Variants in LRRC59 observed in about 807,000 individuals in gnomAD.
LRRC59 encodes the protein leucine-rich repeat-containing protein 59.
In LRRC59, 18 loss-of-function variants were observed where a neutral mutation model predicts 33.5. The observed-to-expected ratio is 0.54, with a 90% CI of 0.37 to 0.80. The LOEUF (loss-of-function observed/expected upper bound fraction) is 0.80, where lower values mean the gene tolerates loss of function less well. Ranked by LOEUF, LRRC59 falls within the 30% of genes least tolerant of loss-of-function variation. The pLI, the probability that LRRC59 is intolerant of heterozygous loss-of-function variation, is 0.00. For synonymous variants in LRRC59, 138 were observed against 160.0 expected, an observed-to-expected ratio of 0.86 and a Z score of 1.04; for missense variants, 330 against 391.9, an observed-to-expected ratio of 0.84 and a Z score of 1.33.
At position 50,383,198 on chromosome 17, in the gene LRRC59, G is replaced by T; in HGVS notation, c.714C>A (p.Pro238=). Residue 238 remains proline (P), a synonymous_variant, in exon 7 of 7, where the codon CCC becomes CCA. Transcript: ENST00000225972. ...CAGCCCAGGAACGAGTGTGCTTCCG[G>T]GGTGGTGGCTTGCGGGGACGGGAGC... is the stretch of plus-strand genomic sequence containing the variant. ...KSGSRPRKPP[P]RKHTRSWAVL... 8 of 1,557,596 alleles carry T rather than the reference G, an allele frequency of 5.1e-6. No individual in the cohort carries two copies. The highest frequency in any genetic ancestry group is 7.0e-6 in the Non-Finnish European group (8 of 1,150,344).
chr17:50,393,906 C>T (rs1914211995), intron 2 of LRRC59, among the ~76,000 whole-genome samples: 1 of 152,198 alleles, frequency 6.6e-6, no homozygotes, highest in Non-Finnish European at 1.5e-5. Context: ...GTCCAGGCTG[C>T]TCTCAAACTC....
At position 50,385,116 on chromosome 17, in the gene LRRC59, A is replaced by G. The variant is rs1913970549; in HGVS notation, c.676+2T>C. On this transcript the variant is annotated splice_donor_variant, in intron 6 of 6. Coordinates refer to ENST00000225972, the MANE Select transcript of LRRC59 (RefSeq NM_018509.4). LOFTEE classifies it high-confidence loss of function. Reference sequence around the variant, plus strand: ...GAATCTTACAACAGGCAGAAAACTTACTCGGGGCCTGATTTGCTTCCTTCT... The same window carrying G: ...GAATCTTACAACAGGCAGAAAACTTGCTCGGGGCCTGATTTGCTTCCTTCT... 1 of 1,612,734 alleles carries G rather than the reference A, an allele frequency of 6.2e-7. No homozygotes were observed. Among genetic ancestry groups the G allele is most frequent in the South Asian group, 1.1e-5 (1 of 90,990 alleles).
rs949103878 is a variant in LRRC59, at chr17:50,381,707, C to G, written c.*1281G>C. 1.3e-5 allele frequency: 2 copies of G among 152,656 alleles called. No homozygotes were observed. Among genetic ancestry groups the G allele is most frequent in the Non-Finnish European group, 2.9e-5 (2 of 68,048 alleles). 9.5% of individuals were successfully genotyped at this position (152,656 alleles called of 1,614,324 possible). ...ACTGGGAGTTTGCAGTGAATGAGCA[C>G]CATGACACAGTCATTTCTGATCCCT... On this transcript the variant is annotated 3_prime_UTR_variant, in exon 7 of 7. Coordinates refer to ENST00000225972, the MANE Select transcript of LRRC59 (RefSeq NM_018509.4).
chr17:50,388,440 C>T (rs1914062774), intron 4 of LRRC59, among the ~76,000 whole-genome samples: 1 of 152,028 alleles, frequency 6.6e-6, no homozygotes, highest in Admixed American at 6.6e-5. Flanking sequence ...ACTTAGGAGG[C>T]CAAGGAGAGA....
intron 4 of LRRC59, 112 bp downstream of exon 4, chr17:50,392,279 ACTCGGAC>A (rs980245773): frequency 3.0e-4 from 216 of 713,004 alleles, no homozygotes; most frequent in Non-Finnish European, 3.6e-4. Context: ...GACATATTTC[ACTCGGAC>A]CTGAATGCTT....
At chr17:50,386,096 T>TA (rs1175856883) in intron 5 of LRRC59, 1 of 151,250 alleles carries the variant, frequency 6.6e-6, no homozygotes, top group Non-Finnish European at 1.5e-5. Flanking sequence ...CAATGTGTTC[T>TA]AAAAAAGTGA....
chr17:50,382,880 G>T lies in LRRC59; in HGVS notation c.*108C>A. ...CTCATGTACCAATCTGCAGCCATTT[G>T]ATGATGGCAGGTAGGTCTGATGCTA... On this transcript the variant is annotated 3_prime_UTR_variant, in exon 7 of 7. Transcript: ENST00000225972. 7.3e-7 allele frequency: 1 copy of T among 1,368,552 alleles called. No individual in the cohort carries two copies. Among genetic ancestry groups the T allele is most frequent in the Non-Finnish European group, 9.9e-7 (1 of 1,005,028 alleles). 84.8% of individuals were successfully genotyped at this position (1,368,552 alleles called of 1,614,324 possible). A position where few individuals can be genotyped will look rare whatever the true frequency, so the allele number is the denominator to read the frequency against.
chr17:50,396,770 G>A (rs1914283262), intron 1 of LRRC59: 2 of 207,408 alleles, frequency 9.6e-6, no homozygotes, highest in Non-Finnish European at 9.5e-6. Flanking sequence ...CGGGCAGCCA[G>A]CTGGAATTGC....
chr17:50,392,365 T>C, intron 4 of LRRC59, 33 bp downstream of exon 4: 2 of 1,572,716 alleles, frequency 1.3e-6, no homozygotes, highest in Non-Finnish European at 1.7e-6. Flanking sequence ...AGGGAGTGTA[T>C]AAGGAGCCAC....
At chr17:50,388,219 A>G (rs916862032) in intron 4 of LRRC59, 87 bp from the exon 5 acceptor site, 1 of 1,231,644 alleles carries the variant, frequency 8.1e-7, no homozygotes, top group Non-Finnish European at 1.2e-6. Flanking sequence ...TCAGGCTTCC[A>G]GATTATCATG....
chr17:50,392,570 G>C (rs1914172270), intron 3 of LRRC59, 68 bp from the exon 4 acceptor site: 7 of 1,475,706 alleles, frequency 4.7e-6, no homozygotes, highest in Non-Finnish European at 5.7e-6. Flanking sequence ...CCCTCAGGGT[G>C]AAACAAAATG....
At chr17:50,392,708 GGC>G in intron 3 of LRRC59, 29 bp downstream of exon 3, 1 of 1,608,558 alleles carries the variant, frequency 6.2e-7, no homozygotes. Context: ...CTGCCACCCT[GGC>G]CATGAAACAC....
chr17:50,393,023 G>T, intron 2 of LRRC59, 126 bp from the exon 3 acceptor site: 2 of 863,770 alleles, frequency 2.3e-6, no homozygotes, highest in Non-Finnish European at 1.8e-6. Flanking sequence ...TCCTTTTTCA[G>T]CTCATCAGTG....
chr17:50,387,606 G>A (rs1914040687), intron 5 of LRRC59, among the ~76,000 whole-genome samples: 1 of 152,202 alleles, frequency 6.6e-6, no homozygotes, highest in African/African-American at 2.4e-5. Flanking sequence ...AATGGTGGCT[G>A]GTTAGAGATG....
At chr17:50,385,334 A>G in intron 5 of LRRC59, 43 bp from the exon 6 acceptor site, 2 of 1,585,340 alleles carry the variant, frequency 1.3e-6, no homozygotes, top group Non-Finnish European at 1.7e-6. Context: ...TCTCACAAAC[A>G]CTCCAGCAGT....
At chr17:50,390,185 T>C (rs557831075) in intron 4 of LRRC59, among the ~76,000 whole-genome samples, 1 of 151,382 alleles carries the variant, frequency 6.6e-6, no homozygotes, top group African/African-American at 2.4e-5. Context: ...AGAGAAGTTA[T>C]GGGTCCCGTT....
Position 50,388,047 on chromosome 17 carries a change from G to A in LRRC59, c.502+13C>T. 6.2e-7 allele frequency: 1 copy of A among 1,613,954 alleles called. No homozygotes were observed. The highest frequency in any genetic ancestry group is 8.5e-7 in the Non-Finnish European group (1 of 1,179,858). The stretch of plus-strand genomic sequence containing the variant: ...GGACCTGAAAGATAACTACAAGAGG[G>A]ACAGCCACCTACCACGTTCTACTTC... On this transcript the variant is annotated intron_variant, in intron 5 of 6. Transcript: ENST00000225972.
intron 1 of LRRC59, among the ~76,000 whole-genome samples, chr17:50,395,249 GTAGTCTCA>G (rs1054762110): frequency 2.6e-5 from 4 of 151,544 alleles, no homozygotes; most frequent in Non-Finnish European, 4.4e-5. Flanking sequence ...ACTCACACCT[GTAGTCTCA>G]TAGTCTCAGC....
In LRRC59 at chr17:50,382,570, C is replaced by G. The variant is rs931558220; in HGVS notation, c.*418G>C. ...CTGAGCGTGGTGTTCTAGTCCCCCC[C>G]AGTTCCTCCTGATCTACCCTGATTC... On this transcript the variant is annotated 3_prime_UTR_variant, in exon 7 of 7. Transcript: ENST00000225972. The G allele has an allele frequency of 1.6e-5, 3 of 184,880 alleles. No homozygotes were observed. Among genetic ancestry groups the G allele is most frequent in the African/African-American group, 7.1e-5 (3 of 42,292 alleles). 11.5% of individuals were successfully genotyped at this position (184,880 alleles called of 1,614,324 possible). A position where few individuals can be genotyped will look rare whatever the true frequency, so the allele number is the denominator to read the frequency against.
Sources: allele counts gnomAD v4.1 joint callset (sites outside exome capture counted in the v4.1 genomes callset), GRCh38; gene constraint gnomAD v4.1.1; transcripts MANE v1.5; gene names NCBI Gene and HGNC (gene_info 2026-07-23, HGNC 2026-07-21).